FMN1: variants seen among roughly 807,000 people sequenced by gnomAD.
FMN1 encodes the protein formin 1, also known as formin-1.
In FMN1, 110 loss-of-function variants were observed where a neutral mutation model predicts 132.4. The ratio of observed to expected loss-of-function variants is 0.83; its 90% confidence interval spans 0.71 to 0.97. The LOEUF is 0.97. FMN1 is among the 50% of genes least tolerant of loss of function. FMN1 has a pLI of 0.00. For synonymous variants in FMN1, 722 were observed against 651.7 expected (o/e 1.11, Z -1.64); for missense variants, 1,792 against 1,705.3 (o/e 1.05, Z -0.90).
At chr15:32,884,709 T>C (rs1567324468) in intron 16 of FMN1, among the ~76,000 whole-genome samples, 1 of 152,224 alleles carries the variant, frequency 6.6e-6, no homozygotes, top group Non-Finnish European at 1.5e-5. Context: ...GTTTTCTCAA[T>C]TATTGCTTAC....
intron 10 of FMN1, among the ~76,000 whole-genome samples, chr15:32,924,111 A>C (rs2060900180): frequency 1.3e-5 from 2 of 152,090 alleles, no homozygotes; most frequent in African/African-American, 4.8e-5. Flanking sequence ...TTCTGATGTG[A>C]ATTTTTCAGA....
Position 33,065,036 on chromosome 15 carries a change from A to C in FMN1, c.2082T>G (p.Pro694=). The change falls in exon 6 of 21, where the codon CCT becomes CCG. Residue 694 remains proline (P), a synonymous_variant. Coordinates refer to ENST00000616417, the MANE Select transcript of FMN1 (RefSeq NM_001277313.2). ...HSLTEQDDRT[P]GRLQAVWPPP... ...GTGGCCAGACAGCTTGAAGTCTGCCAGGAGTCCTGTCATCCTGCTCAGTCA... is the reference window on the plus strand; with the variant it reads ...GTGGCCAGACAGCTTGAAGTCTGCCCGGAGTCCTGTCATCCTGCTCAGTCA... 6.2e-7 allele frequency: 1 copy of C among 1,611,664 alleles called. No individual in the cohort carries two copies. Among genetic ancestry groups the C allele is most frequent in the African/African-American group, 1.3e-5 (1 of 74,988 alleles).
intron 17 of FMN1, among the ~76,000 whole-genome samples, chr15:32,848,325 CATGTGTGTGCACGTGT>C (rs1420443132): frequency 6.7e-6 from 1 of 149,302 alleles, no homozygotes; most frequent in Non-Finnish European, 1.5e-5. Context: ...CCAGCAGGTT[CATGTGTGTGCACGTGT>C]GTGTGCGTGC....
intron 18 of FMN1, among the ~76,000 whole-genome samples, chr15:32,801,444 C>G (rs2057474311): frequency 6.6e-6 from 1 of 152,112 alleles, no homozygotes; most frequent in Admixed American, 6.5e-5. Flanking sequence ...CACTCAGCAG[C>G]TTAGACAAAG....
intron 9 of FMN1, among the ~76,000 whole-genome samples, chr15:32,959,162 G>A (rs1294661278): frequency 6.6e-6 from 1 of 151,306 alleles, no homozygotes; most frequent in Non-Finnish European, 1.5e-5. Flanking sequence ...ACTTTCTCTT[G>A]TTCAGTCATT....
chr15:33,012,084 C>A (rs957910572), intron 6 of FMN1: 6 of 381,424 alleles, frequency 1.6e-5, no homozygotes, highest in East Asian at 5.5e-5. Context: ...GTGGACAGCA[C>A]CAAAGGAAGC....
intron 17 of FMN1, among the ~76,000 whole-genome samples, chr15:32,831,101 T>C (rs1456474635): frequency 2.0e-5 from 3 of 152,198 alleles, no homozygotes; most frequent in Non-Finnish European, 4.4e-5. Flanking sequence ...ATTTCCTCCT[T>C]TGTAAAATGG....
At chr15:32,940,370 C>T (rs369248121) in intron 9 of FMN1, among the ~76,000 whole-genome samples, 1 of 150,540 alleles carries the variant, frequency 6.6e-6, no homozygotes, top group African/African-American at 2.5e-5. Context: ...ATTCCCATGT[C>T]TACTGCAAAC....
chr15:32,933,043 C>T (rs2061160950), intron 9 of FMN1, among the ~76,000 whole-genome samples: 1 of 151,820 alleles, frequency 6.6e-6, no homozygotes, highest in Non-Finnish European at 1.5e-5. Context: ...TTAGTTTATC[C>T]TTCTTTTTCT....
intron 15 of FMN1, among the ~76,000 whole-genome samples, chr15:32,895,555 A>T (rs1044337170): frequency 2.6e-5 from 4 of 152,102 alleles, no homozygotes; most frequent in African/African-American, 9.7e-5. Context: ...GCTAAATATG[A>T]GTCCCATTTG....
At chr15:33,006,173 T>A (rs1208013630) in intron 7 of FMN1, among the ~76,000 whole-genome samples, 2 of 152,008 alleles carry the variant, frequency 1.3e-5, no homozygotes, top group African/African-American at 4.8e-5. Flanking sequence ...ATACAAAAAA[T>A]ATTTAAGGAA....
intron 17 of FMN1, among the ~76,000 whole-genome samples, chr15:32,805,593 T>C (rs2057652107): frequency 6.6e-6 from 1 of 152,224 alleles, no homozygotes; most frequent in Non-Finnish European, 1.5e-5. Flanking sequence ...TAGCTAATAG[T>C]GGCCAAATAA....
chr15:32,774,281 C>A lies in FMN1; in HGVS notation c.*29G>T, dbSNP rs761392162. 1.9e-6 allele frequency: 3 copies of A among 1,574,954 alleles called. No homozygotes were observed. The highest frequency in any genetic ancestry group is 2.7e-5 in the African/African-American group (2 of 74,376). On this transcript the variant is annotated 3_prime_UTR_variant, in exon 21 of 21. Coordinates refer to ENST00000616417, the MANE Select transcript of FMN1 (RefSeq NM_001277313.2). The stretch of plus-strand genomic sequence containing the variant: ...GTATGCGTGCAAGGTCCTCCACCTC[C>A]AGTGCCATCATTTCCATGTGTCTTC...
chr15:32,848,824 T>C (rs1445909255), intron 17 of FMN1, among the ~76,000 whole-genome samples: 2 of 152,202 alleles, frequency 1.3e-5, no homozygotes, highest in African/African-American at 4.8e-5. Flanking sequence ...GCCTATTTTC[T>C]ACCTGCTGCA....
At chr15:32,977,301 A>T (rs536975656) in intron 7 of FMN1, among the ~76,000 whole-genome samples, 74 of 152,342 alleles carry the variant, frequency 4.9e-4, no homozygotes, top group African/African-American at 1.7e-3. Context: ...ATCCTCAATG[A>T]TTAATAATCC....
chr15:32,823,156 T>G (rs1461502833), intron 17 of FMN1, among the ~76,000 whole-genome samples: 6 of 65,790 alleles, frequency 9.1e-5, no homozygotes, highest in Non-Finnish European at 1.7e-4. Flanking sequence ...TCTACTGTTT[T>G]TTTTTTTTTT....
chr15:33,030,431 G>A (rs184694), intron 6 of FMN1, among the ~76,000 whole-genome samples: 133,656 of 152,216 alleles, frequency 0.88, 59,331 homozygotes, highest in Non-Finnish European at 0.93. Context: ...ACGTCACTCT[G>A]TGGATCTACG....
intron 6 of FMN1, among the ~76,000 whole-genome samples, chr15:33,057,775 C>T (rs992093865): frequency 1.3e-5 from 2 of 152,078 alleles, no homozygotes; most frequent in Non-Finnish European, 2.9e-5. Context: ...AAAGTGCTTC[C>T]GAGTTTACCT....
Position 32,976,287 on chromosome 15 carries a change from G to C in FMN1, c.2224-6810C>G, listed in dbSNP as rs543410919. 4.6e-4 allele frequency among the ~76,000 whole-genome samples: 70 copies of C among 152,216 alleles called. 1 individual carries two copies. Among genetic ancestry groups the C allele is most frequent in the African/African-American group, 1.7e-3 (70 of 41,548 alleles). On this transcript the variant is annotated intron_variant, in intron 7 of 20. Coordinates refer to ENST00000616417, the MANE Select transcript of FMN1 (RefSeq NM_001277313.2). The stretch of plus-strand genomic sequence containing the variant: ...TCTGAAAAGTGCAGCGTGAGCAGAA[G>C]AAAGGAAAGGAAAGTGAGGCTTGTG...
Sources: allele counts gnomAD v4.1 joint callset (sites outside exome capture counted in the v4.1 genomes callset), GRCh38; gene constraint gnomAD v4.1.1; transcripts MANE v1.5; gene names NCBI Gene and HGNC (gene_info 2026-07-23, HGNC 2026-07-21).